Variants in SCMH1 observed in about 807,000 individuals in gnomAD.
SCMH1 encodes the protein polycomb protein SCMH1.
SCMH1 carries 37 observed loss-of-function variants against 70.8 expected under a neutral mutation model. The ratio of observed to expected loss-of-function variants is 0.52; its 90% CI spans 0.40 to 0.69. The LOEUF is 0.69. SCMH1 is among the 30% of genes least tolerant of loss of function. The probability of loss-of-function intolerance (pLI) is 0.00; values close to 1 mark genes in which losing one functional copy is unlikely to be tolerated. For synonymous variants in SCMH1, 292 were observed against 307.4 expected (o/e 0.95, Z 0.52); for missense variants, 607 against 827.3 (o/e 0.73, Z 3.27).
chr1:41,171,402 C>T (rs566264278), intron 2 of SCMH1, among the ~76,000 whole-genome samples: 1 of 151,976 alleles, frequency 6.6e-6, no homozygotes, highest in Non-Finnish European at 1.5e-5. Context: ...AGAAGCCACA[C>T]AAAGAAGTGT....
chr1:41,048,749 T>C (rs1647140775), exon 11 of SCMH1: 2 of 1,614,158 alleles, frequency 1.2e-6, no homozygotes, highest in Non-Finnish European at 1.7e-6. Context: ...TTTCTGGTGA[T>C]AAGCACAGTC....
At chr1:41,211,899 A>G (rs1331600806) in intron 1 of SCMH1, among the ~76,000 whole-genome samples, 1 of 152,190 alleles carries the variant, frequency 6.6e-6, no homozygotes, top group African/African-American at 2.4e-5. Flanking sequence ...CATAATTCTT[A>G]GCAAACTATC....
intron 10 of SCMH1, among the ~76,000 whole-genome samples, chr1:41,061,643 A>AC (rs1458148574): frequency 6.6e-6 from 1 of 152,126 alleles, no homozygotes; most frequent in Non-Finnish European, 1.5e-5. Context: ...AGACTTCAAC[A>AC]CCCCCCATCA....
Position 41,232,799 on chromosome 1 carries a change from A to C in SCMH1, c.-118+9260T>G, listed in dbSNP as rs151032425. Reference sequence around the variant, plus strand: ...TAGGTCTGCTTTAAATACATTTTGGAATAAGGCAACATATGTATAAACAAA... The same window carrying C: ...TAGGTCTGCTTTAAATACATTTTGGCATAAGGCAACATATGTATAAACAAA... On this transcript the variant is annotated intron_variant, in intron 1 of 14. Coordinates refer to ENST00000337495, the Ensembl canonical transcript of SCMH1. 5.4e-3 allele frequency among the ~76,000 whole-genome samples: 821 copies of C among 152,344 alleles called. 3 individuals carry two copies. Among genetic ancestry groups the C allele is most frequent in the African/African-American group, 0.018 (758 of 41,574 alleles).
chr1:41,039,146 CA>C (rs1198597883), intron 12 of SCMH1, among the ~76,000 whole-genome samples: 2 of 152,216 alleles, frequency 1.3e-5, no homozygotes, highest in Non-Finnish European at 1.5e-5. Context: ...TTCTAGTTCT[CA>C]TTTTATTCAG....
chr1:41,082,731 T>C (rs554033092), intron 8 of SCMH1, among the ~76,000 whole-genome samples: 79 of 152,192 alleles, frequency 5.2e-4, no homozygotes, highest in African/African-American at 1.8e-3. Context: ...CTCAATAAAA[T>C]ACTGGCAAAC....
At chr1:41,210,556 C>A (rs1034268306) in intron 1 of SCMH1, among the ~76,000 whole-genome samples, 15 of 152,102 alleles carry the variant, frequency 9.9e-5, no homozygotes, top group Non-Finnish European at 1.6e-4. Context: ...TAAAACCACA[C>A]ATCTACAACC....
At chr1:41,085,040 T>A (rs1449564876) in intron 8 of SCMH1, among the ~76,000 whole-genome samples, 1 of 151,180 alleles carries the variant, frequency 6.6e-6, no homozygotes, top group Non-Finnish European at 1.5e-5. Context: ...GACGAGTTAG[T>A]GGGTGCAGCA....
intron 13 of SCMH1, among the ~76,000 whole-genome samples, chr1:41,036,206 T>C (rs74608193): frequency 0.019 from 2,860 of 152,264 alleles, 91 homozygotes; most frequent in East Asian, 0.11. Context: ...CACTGGTGAC[T>C]CCTAAATATT....
chr1:41,152,932 A>T (rs894407197), intron 4 of SCMH1, among the ~76,000 whole-genome samples: 6 of 152,240 alleles, frequency 3.9e-5, no homozygotes, highest in Non-Finnish European at 5.9e-5. Context: ...CTAGCTGATG[A>T]TTAATCAACA....
intron 8 of SCMH1, among the ~76,000 whole-genome samples, chr1:41,085,121 T>TATA (rs764864263): frequency 6.7e-5 from 10 of 149,962 alleles, no homozygotes; most frequent in East Asian, 1.9e-4. Flanking sequence ...AAACTTAAAG[T>TATA]ATAATAATAA....
At chr1:41,160,839 C>T (rs181465806) in intron 4 of SCMH1, 36 bp downstream of exon 4, 371 of 1,539,284 alleles carry the variant, frequency 2.4e-4, no homozygotes, top group Non-Finnish European at 3.0e-4. Context: ...TTACCAATTC[C>T]CCTTATTTAA....
intron 8 of SCMH1, among the ~76,000 whole-genome samples, chr1:41,091,007 C>G (rs1265808704): frequency 6.7e-6 from 1 of 149,668 alleles, no homozygotes; most frequent in Non-Finnish European, 1.5e-5. Flanking sequence ...CCACTGCACT[C>G]CGGCCTGGGC....
At chr1:41,176,395 C>G (rs944184317) in intron 2 of SCMH1, among the ~76,000 whole-genome samples, 12 of 152,258 alleles carry the variant, frequency 7.9e-5, no homozygotes, top group Middle Eastern at 3.4e-3. Context: ...GAGTGTCGGA[C>G]AGTGGGTGCA....
At chr1:41,129,375 C>A (rs1331523199) in intron 6 of SCMH1, among the ~76,000 whole-genome samples, 3 of 152,176 alleles carry the variant, frequency 2.0e-5, no homozygotes, top group Non-Finnish European at 4.4e-5. Flanking sequence ...TCCCTCAGCT[C>A]CTGGCAACTA....
chr1:41,102,573 A>C (rs992336275), intron 8 of SCMH1, among the ~76,000 whole-genome samples: 1 of 152,206 alleles, frequency 6.6e-6, no homozygotes, highest in African/African-American at 2.4e-5. Context: ...AAGACATGTC[A>C]CATTTTCCTG....
At chr1:41,126,147 A>T (rs886670746) in intron 6 of SCMH1, among the ~76,000 whole-genome samples, 1 of 152,142 alleles carries the variant, frequency 6.6e-6, no homozygotes. Flanking sequence ...TCTATTTTCA[A>T]TATCTGCAAA....
intron 8 of SCMH1, among the ~76,000 whole-genome samples, chr1:41,079,874 C>T (rs1659476233): frequency 6.6e-6 from 1 of 151,984 alleles, no homozygotes; most frequent in Non-Finnish European, 1.5e-5. Context: ...TCTCACTGTA[C>T]TTTATTTTGG....
intron 1 of SCMH1, among the ~76,000 whole-genome samples, chr1:41,240,642 T>A (rs1201398634): frequency 6.6e-6 from 1 of 152,142 alleles, no homozygotes; most frequent in Non-Finnish European, 1.5e-5. Context: ...TTAGCAACAT[T>A]TGATAAAGTG....
Sources: gnomAD v4.1 joint callset for allele counts (sites outside exome capture counted in the v4.1 genomes callset) on GRCh38, gnomAD v4.1.1 for gene constraint, MANE v1.5 for transcripts, NCBI Gene and HGNC (gene_info 2026-07-23, HGNC 2026-07-21) for gene names.